Variants in CLSPN observed in about 807,000 individuals in gnomAD.
CLSPN encodes claspin.
In CLSPN, 85 loss-of-function variants were observed where a neutral mutation model predicts 156.3. The ratio of observed to expected loss-of-function variants is 0.54; its 90% CI spans 0.46 to 0.65. The LOEUF is 0.65. CLSPN is among the 30% of genes least tolerant of loss of function. The pLI is 0.00. For synonymous variants in CLSPN, 534 were observed against 542.4 expected, an observed-to-expected ratio of 0.98 and a Z score of 0.22; for missense variants, 1,407 against 1,554.9, an observed-to-expected ratio of 0.90 and a Z score of 1.60.
chr1:35,766,366 T>C (rs1277198821), intron 1 of CLSPN, among the ~76,000 whole-genome samples: 2 of 151,838 alleles, frequency 1.3e-5, no homozygotes, highest in South Asian at 2.1e-4. Context: ...AGTTAACACA[T>C]AAGTGAATGT....
At chr1:35,729,315 T>C (rs1641264467), downstream of CLSPN, among the ~76,000 whole-genome samples, 1 of 152,154 alleles carries the variant, frequency 6.6e-6, no homozygotes, top group African/African-American at 2.4e-5. Flanking sequence ...CCATCAAGAA[T>C]TCCGCGGACT....
In CLSPN at chr1:35,736,739, G is replaced by A. The variant is rs536738112; in HGVS notation, c.3910-133C>T. On this transcript the variant is annotated intron_variant, in intron 24 of 24. Coordinates refer to ENST00000318121, the MANE Select transcript of CLSPN (RefSeq NM_022111.4). The stretch of plus-strand genomic sequence containing the variant: ...AAAAGAAAGAAAGATAAACTTTCTC[G>A]GCAAGTTTAAAAGTTGATTACCGAC... 60 of 1,390,650 alleles carry A rather than the reference G, an allele frequency of 4.3e-5. No homozygotes were observed. The East Asian group carries it at 5.5e-4, about 13-fold the overall frequency. The allele number at this position is 1,390,650 out of a possible 1,614,324, so 86.1% of individuals were successfully genotyped here.
chr1:35,737,843 C>T, intron 22 of CLSPN, 149 bp downstream of exon 22: 1 of 447,478 alleles, frequency 2.2e-6, no homozygotes, highest in Non-Finnish European at 4.0e-6. Flanking sequence ...AGTACACTGT[C>T]TCCCACCACC....
At chr1:35,727,118 C>T (rs961231765), downstream of CLSPN, among the ~76,000 whole-genome samples, 2 of 152,170 alleles carry the variant, frequency 1.3e-5, no homozygotes, top group African/African-American at 4.8e-5. Flanking sequence ...AAAGGCTTGG[C>T]CACCAGGACT....
chr1:35,720,766 C>A, exon 25 of CLSPN: 1 of 623,222 alleles, frequency 1.6e-6, no homozygotes, highest in Non-Finnish European at 2.7e-6. Context: ...CTCCTAAAGG[C>A]TCTCAGCTTT....
chr1:35,737,862 G>T, intron 22 of CLSPN, 130 bp downstream of exon 22: 1 of 483,372 alleles, frequency 2.1e-6, no homozygotes, highest in Non-Finnish European at 3.6e-6. Context: ...CCTCTGTGAA[G>T]CCTCTTTAAG....
chr1:35,721,205 C>T (rs1349310160), intron 24 of CLSPN, among the ~76,000 whole-genome samples: 3 of 152,168 alleles, frequency 2.0e-5, no homozygotes, highest in Non-Finnish European at 4.4e-5. Flanking sequence ...CATTCACGCA[C>T]CTCTCAACAC....
rs1253961150 is a variant in CLSPN, at chr1:35,764,634, T to G, written c.214A>C (p.Thr72Pro). Residue 72 changes from threonine to proline, a missense_variant, in exon 3 of 25, where the codon ACA (threonine) becomes CCA (proline). Thr to Pro is a conservative substitution (Grantham distance 38). Transcript: ENST00000318121. ...LQDSDSETEDTNASPEKTTYD... is the reference protein window; with the variant it reads ...LQDSDSETEDPNASPEKTTYD... ...GTAGTTTTCTCTGGAGAGGCATTTG[T>G]GTCCTCTGTTTCGGAATCACTGTCT... 4.3e-6 allele frequency: 7 copies of G among 1,612,976 alleles called. No homozygotes were observed. The highest frequency in any genetic ancestry group is 5.9e-6 in the Non-Finnish European group (7 of 1,179,750).
At position 35,764,527 on chromosome 1, in the gene CLSPN, C is replaced by T. The variant is rs762640919; in HGVS notation, c.321G>A (p.Val107=). ...NTKIKRIYKT[V]ADSDESYMEK... ...CCATGTAACTTTCATCACTGTCTGC[C>T]ACAGTTTTGTAAATCCTTTTGATTT... The change falls in exon 3 of 25, where the codon GTG becomes GTA. Residue 107 remains valine, a synonymous_variant. Transcript: ENST00000318121. 2 of 1,613,778 alleles carry T rather than the reference C, an allele frequency of 1.2e-6. No homozygotes were observed. Among genetic ancestry groups the T allele is most frequent in the East Asian group, 4.5e-5 (2 of 44,868 alleles).
At chr1:35,769,182 G>A (rs1642775019) in intron 1 of CLSPN, among the ~76,000 whole-genome samples, 2 of 152,208 alleles carry the variant, frequency 1.3e-5, no homozygotes, top group Non-Finnish European at 2.9e-5. Flanking sequence ...TTGATTGAGG[G>A]TTTTGGCGCC....
Position 35,751,331 on chromosome 1 carries a change from C to T in CLSPN, c.1947G>A (p.Lys649=), listed in dbSNP as rs913424685. The T allele has an allele frequency of 6.3e-7, 1 of 1,591,344 alleles. No individual in the cohort carries two copies. Among genetic ancestry groups the T allele is most frequent in the African/African-American group, 1.3e-5 (1 of 74,540 alleles). ...CTTCCTCTTTCTCTTCTTTCTCTACCTTCTCTTCTCCATCTTCCTCAGACT... is the reference window on the plus strand; with the variant it reads ...CTTCCTCTTTCTCTTCTTTCTCTACTTTCTCTTCTCCATCTTCCTCAGACT... The part of the protein sequence containing the change: ...TDESEEDGEE[K]VEKEEKEEEL... The change falls in exon 10 of 25, where the codon AAG becomes AAA. Residue 649 remains lysine (K), a synonymous_variant. Coordinates refer to ENST00000318121, the MANE Select transcript of CLSPN (RefSeq NM_022111.4).
At chr1:35,769,636 C>T (rs1491002679) in intron 1 of CLSPN, among the ~76,000 whole-genome samples, 2 of 152,198 alleles carry the variant, frequency 1.3e-5, no homozygotes, top group African/African-American at 2.4e-5. Flanking sequence ...CCACGGAGCC[C>T]GAAGCGCGGG....
chr1:35,746,641 A>T lies in CLSPN; in HGVS notation c.2854+125T>A. On this transcript the variant is annotated intron_variant, in intron 15 of 24. Transcript: ENST00000318121. The surrounding 1 kb of genome is among the most constrained non-coding windows in gnomAD (Gnocchi z 4.2). ...TCAAACTTCTGAGCTCAAGCGATCC[A>T]TCCAACTTAGCCTCCCAAAGTTCTA... 3 of 657,782 alleles carry T rather than the reference A, an allele frequency of 4.6e-6. No homozygotes were observed. Among genetic ancestry groups the T allele is most frequent in the Non-Finnish European group, 8.1e-6 (3 of 372,156 alleles). 40.7% of individuals were successfully genotyped at this position (657,782 alleles called of 1,614,324 possible).
chr1:35,740,542 C>T (rs894396796), intron 18 of CLSPN, among the ~76,000 whole-genome samples: 2 of 151,996 alleles, frequency 1.3e-5, no homozygotes, highest in East Asian at 3.9e-4. Context: ...CCTCAACCTC[C>T]CGAGTAGCTG....
In CLSPN at chr1:35,749,801, A is replaced by AATTCTG; in HGVS notation, c.2033_2038dup (p.Glu679_Phe680insSerGlu). 6.2e-7 allele frequency: 1 copy of AATTCTG among 1,613,856 alleles called. No homozygotes were observed. Among genetic ancestry groups the AATTCTG allele is most frequent in the Non-Finnish European group, 8.5e-7 (1 of 1,179,906 alleles). On this transcript the variant is annotated inframe_insertion, in exon 11 of 25. Transcript: ENST00000318121. ...TTCTATTTCTTCACTACTAAGAAGG[A>AATTCTG]ATTCTGCAGTCTTTACCAATCAGGC...
Position 35,735,722 on chromosome 1 carries a change from A to G in CLSPN, c.*774T>C. The G allele has an allele frequency of 1.4e-5, 14 of 984,660 alleles. No homozygotes were observed. The highest frequency in any genetic ancestry group is 1.7e-5 in the Non-Finnish European group (14 of 829,630). The allele number at this position is 984,660 out of a possible 1,614,324, so 61.0% of individuals were successfully genotyped here. The stretch of plus-strand genomic sequence containing the variant: ...GACTATCTCAAAAAAAAAAAAAGAA[A>G]TCTTTCTTTCACCGAGCCCTGGTCA... On this transcript the variant is annotated 3_prime_UTR_variant, in exon 25 of 25. Coordinates refer to ENST00000318121, the MANE Select transcript of CLSPN (RefSeq NM_022111.4).
intron 13 of CLSPN, 34 bp from the exon 14 acceptor site, chr1:35,748,095 C>T (rs1474673143): frequency 5.0e-6 from 8 of 1,586,734 alleles, no homozygotes; most frequent in Non-Finnish European, 6.8e-6. Flanking sequence ...AATAACAAAA[C>T]ATTTTACAAA....
At chr1:35,737,943 A>T in intron 22 of CLSPN, 49 bp downstream of exon 22, 1 of 1,044,586 alleles carries the variant, frequency 9.6e-7, no homozygotes, top group Non-Finnish European at 1.4e-6. Context: ...CCAAAGCTCT[A>T]CCACTAACAA....
intron 8 of CLSPN, among the ~76,000 whole-genome samples, chr1:35,755,090 C>T (rs1642225984): frequency 6.6e-6 from 1 of 152,018 alleles, no homozygotes; most frequent in Non-Finnish European, 1.5e-5. Flanking sequence ...GCCTTCTCGT[C>T]CATGATAAAA....
Sources: allele counts gnomAD v4.1 joint callset (sites outside exome capture counted in the v4.1 genomes callset), GRCh38; gene constraint gnomAD v4.1.1; non-coding constraint Gnocchi (gnomAD v3.1); transcripts MANE v1.5; gene names NCBI Gene and HGNC (gene_info 2026-07-23, HGNC 2026-07-21).